SHISA9: variants seen among roughly 807,000 people sequenced by gnomAD.
SHISA9 encodes shisa family member 9.
In SHISA9, 13 loss-of-function variants were observed where a neutral mutation model predicts 38.0. The ratio of observed to expected loss-of-function variants is 0.34; its 90% CI spans 0.22 to 0.54. The LOEUF (loss-of-function observed/expected upper bound fraction) is 0.54. SHISA9 is among the 20% of genes least tolerant of loss of function. The pLI is 0.91. For missense variants in SHISA9, 538 were observed against 575.8 expected, an observed-to-expected ratio of 0.93 and a Z score of 0.67; for synonymous variants, 275 against 242.0, an observed-to-expected ratio of 1.14 and a Z score of -1.27.
At chr16:13,138,934 G>A (rs1475532270) in intron 2 of SHISA9, among the ~76,000 whole-genome samples, 2 of 152,022 alleles carry the variant, frequency 1.3e-5, no homozygotes, top group African/African-American at 4.8e-5. Context: ...GGACATCTTG[G>A]GCTTGGAGCA....
intron 2 of SHISA9, among the ~76,000 whole-genome samples, chr16:12,953,569 A>G (rs911889205): frequency 1.3e-5 from 2 of 152,204 alleles, no homozygotes; most frequent in Non-Finnish European, 2.9e-5. Flanking sequence ...AGAGCACCCA[A>G]TGAGCATCAA....
the SHISA9 span, among the ~76,000 whole-genome samples, chr16:13,447,277 T>C: frequency 1.1e-3 from 163 of 152,312 alleles, no homozygotes; most frequent in African/African-American, 3.9e-3. Flanking sequence ...AGTCAGAAGC[T>C]GCAGGAACAA....
In SHISA9 at chr16:12,950,549, G is replaced by A. The variant is rs117919325; in HGVS notation, c.691+33734G>A. Reference sequence around the variant, plus strand: ...AGTGGTAATGTAAATTAGTACAGCCGCTGTGGAAAACAGCATGGAGGTTCC... The same window carrying A: ...AGTGGTAATGTAAATTAGTACAGCCACTGTGGAAAACAGCATGGAGGTTCC... On this transcript the variant is annotated intron_variant, in intron 2 of 4. Coordinates refer to ENST00000558583, the MANE Select transcript of SHISA9 (RefSeq NM_001145204.3). Among the ~76,000 whole-genome samples, 1,513 of 152,180 alleles carry A rather than the reference G, an allele frequency of 9.9e-3. 6 individuals are homozygous for A. Among genetic ancestry groups the A allele is most frequent in the East Asian group, 0.028 (147 of 5,172 alleles).
chr16:13,205,928 A>ATT lies in SHISA9; in HGVS notation c.847+2395_847+2396dup, dbSNP rs79183056. Among the ~76,000 whole-genome samples, 1,046 of 139,868 alleles carry ATT rather than the reference A, an allele frequency of 7.5e-3. 9 individuals carry two copies. Among genetic ancestry groups the ATT allele is most frequent in the African/African-American group, 0.024 (900 of 37,886 alleles). The allele number at this position is 139,868 out of a possible 152,430, so 91.8% of individuals were successfully genotyped here. The stretch of plus-strand genomic sequence containing the variant: ...AGGCATGCACCACTATGCCTGGCTA[A>ATT]TTTTTTTTTTTTTTTTTAAGTAGAG... On this transcript the variant is annotated intron_variant, in intron 3 of 4. Transcript: ENST00000558583.
intron 2 of SHISA9, among the ~76,000 whole-genome samples, chr16:12,921,973 T>C (rs1282922385): frequency 1.3e-5 from 2 of 152,220 alleles, no homozygotes; most frequent in Non-Finnish European, 1.5e-5. Context: ...ATCATAAGGA[T>C]GGGGAAACTG....
intron 2 of SHISA9, among the ~76,000 whole-genome samples, chr16:13,153,232 G>A (rs1252736739): frequency 6.6e-6 from 1 of 151,932 alleles, no homozygotes; most frequent in Non-Finnish European, 1.5e-5. Flanking sequence ...GTGGTAGTTT[G>A]TCACAGCCAA....
At chr16:13,134,379 T>A (rs943693841) in intron 2 of SHISA9, among the ~76,000 whole-genome samples, 1 of 152,192 alleles carries the variant, frequency 6.6e-6, no homozygotes, top group Admixed American at 6.5e-5. Flanking sequence ...TGAGCCTCTC[T>A]TGAGTGCCTG....
In SHISA9 at chr16:12,929,263, A is replaced by G. The variant is rs774433550; in HGVS notation, c.691+12448A>G. ...TCAAAGATCTAGAAGCAGAAATACC[A>G]TTTGACCCAGCAATTTTATTACTGG... On this transcript the variant is annotated intron_variant, in intron 2 of 4. Transcript: ENST00000558583. Among the ~76,000 whole-genome samples the G allele has an allele frequency of 4.5e-4, 68 of 152,178 alleles. 1 individual carries two copies. Among genetic ancestry groups the G allele is most frequent in the Non-Finnish European group, 8.7e-4 (59 of 68,036 alleles).
At chr16:13,392,173 C>A in the SHISA9 span, among the ~76,000 whole-genome samples, 1 of 152,196 alleles carries the variant, frequency 6.6e-6, no homozygotes, top group East Asian at 1.9e-4. Flanking sequence ...TTAGTTGTGT[C>A]TTCCTAATAT....
the SHISA9 span, among the ~76,000 whole-genome samples, chr16:13,315,812 C>T: frequency 6.6e-6 from 1 of 152,064 alleles, no homozygotes; most frequent in Admixed American, 6.5e-5. Context: ...GGAGGAGGGT[C>T]ACACATTTAA....
At chr16:13,402,471 T>A in the SHISA9 span, among the ~76,000 whole-genome samples, 1 of 152,034 alleles carries the variant, frequency 6.6e-6, no homozygotes, top group South Asian at 2.1e-4. Context: ...ACTTGGGCCC[T>A]TCGTGGATTG....
chr16:13,206,993 G>T (rs2051071221), intron 3 of SHISA9, among the ~76,000 whole-genome samples: 2 of 152,238 alleles, frequency 1.3e-5, no homozygotes. Context: ...GCAGTTAGAT[G>T]ATAAATAACA....
At chr16:13,264,954 C>A in the SHISA9 span, among the ~76,000 whole-genome samples, 1 of 149,060 alleles carries the variant, frequency 6.7e-6, no homozygotes, top group Admixed American at 6.7e-5. Flanking sequence ...CTCGTCTTCT[C>A]TTCCCTTCCC....
chr16:13,424,482 T>C, the SHISA9 span, among the ~76,000 whole-genome samples: 1 of 152,232 alleles, frequency 6.6e-6, no homozygotes, highest in African/African-American at 2.4e-5. Context: ...CTGACTGCAG[T>C]AAGATTGGGA....
At chr16:13,079,582 C>G (rs2073624155) in intron 2 of SHISA9, among the ~76,000 whole-genome samples, 1 of 152,190 alleles carries the variant, frequency 6.6e-6, no homozygotes, top group Non-Finnish European at 1.5e-5. Context: ...GCTGCTTGTG[C>G]CAATCATAAA....
the SHISA9 span, among the ~76,000 whole-genome samples, chr16:13,426,225 G>T: frequency 3.4e-4 from 52 of 152,276 alleles, no homozygotes; most frequent in African/African-American, 1.2e-3. Context: ...TCCTTGCGAA[G>T]TGTTTTATAT....
the SHISA9 span, among the ~76,000 whole-genome samples, chr16:13,422,245 C>A: frequency 1.3e-5 from 2 of 152,206 alleles, no homozygotes; most frequent in African/African-American, 4.8e-5. Context: ...CAGGCTAAAG[C>A]ACAAAGTAGC....
chr16:13,386,599 G>C, the SHISA9 span, among the ~76,000 whole-genome samples: 1 of 152,066 alleles, frequency 6.6e-6, no homozygotes, highest in East Asian at 1.9e-4. Flanking sequence ...CTAAATTCTC[G>C]ATATTATTTT....
At chr16:13,404,960 T>C in the SHISA9 span, among the ~76,000 whole-genome samples, 2 of 152,170 alleles carry the variant, frequency 1.3e-5, no homozygotes, top group African/African-American at 4.8e-5. Flanking sequence ...GCCTGGGACT[T>C]CTGAATCCAT....
Sources: gnomAD v4.1 joint callset for allele counts (sites outside exome capture counted in the v4.1 genomes callset) on GRCh38, gnomAD v4.1.1 for gene constraint, MANE v1.5 for transcripts, NCBI Gene and HGNC (gene_info 2026-07-23, HGNC 2026-07-21) for gene names.